The following MAGI1 variants were observed in gnomAD, a reference collection of about 807,000 sequenced individuals.
MAGI1 encodes membrane-associated guanylate kinase, WW and PDZ domain-containing protein 1.
A neutral mutation model predicts 139.9 loss-of-function variants in MAGI1; 58 were observed. The observed-to-expected ratio is 0.41, with a 90% confidence interval of 0.34 to 0.52. The LOEUF is 0.52. MAGI1 is among the 20% of genes least tolerant of loss of function. The pLI is 0.12. For missense variants in MAGI1, 1,874 were observed against 1,901.6 expected (o/e 0.99, Z 0.27); for synonymous variants, 812 against 737.9 (o/e 1.10, Z -1.63).
chr3:65,555,212 C>T (rs953420600), intron 2 of MAGI1, among the ~76,000 whole-genome samples: 1 of 152,152 alleles, frequency 6.6e-6, no homozygotes, highest in Admixed American at 6.5e-5. Context: ...TAAAGGCCCA[C>T]CCATGCTAGG....
At chr3:65,731,962 T>C (rs1308938474) in intron 1 of MAGI1, among the ~76,000 whole-genome samples, 1 of 152,222 alleles carries the variant, frequency 6.6e-6, no homozygotes, top group Non-Finnish European at 1.5e-5. Context: ...CTTGTGGTTC[T>C]GATATAATAC....
At chr3:65,501,054 C>G (rs750753685) in intron 2 of MAGI1, among the ~76,000 whole-genome samples, 1 of 152,162 alleles carries the variant, frequency 6.6e-6, no homozygotes, top group Non-Finnish European at 1.5e-5. Context: ...ACCTACCTCT[C>G]ACACAATTTT....
chr3:65,659,388 A>G (rs916563825), intron 1 of MAGI1, among the ~76,000 whole-genome samples: 4 of 152,200 alleles, frequency 2.6e-5, no homozygotes, highest in African/African-American at 9.6e-5. Flanking sequence ...GCTAATACCA[A>G]CTGGACCCAA....
At chr3:65,905,757 G>C (rs941599697) in intron 1 of MAGI1, among the ~76,000 whole-genome samples, 1 of 152,128 alleles carries the variant, frequency 6.6e-6, no homozygotes, top group African/African-American at 2.4e-5. Context: ...CTACTCAGAA[G>C]TTACAGAAAA....
chr3:65,637,560 G>GAAAGAAAGAAAGAAAGAAAGAAAGAAAC (rs1559743452), intron 1 of MAGI1, among the ~76,000 whole-genome samples: 47 of 28,690 alleles, frequency 1.6e-3, no homozygotes, highest in African/African-American at 4.8e-3. Flanking sequence ...TCCAAAAAAA[G>GAAAGAAAGAAAGAAAGAAAGAAAGAAAC]AAAGAAAGAA....
Position 65,523,111 on chromosome 3 carries a change from G to A in MAGI1, c.431-29480C>T, listed in dbSNP as rs145648073. 6.7e-3 allele frequency among the ~76,000 whole-genome samples: 1,016 copies of A among 152,266 alleles called. 12 individuals are homozygous for A. The highest frequency in any genetic ancestry group is 0.02 in the Middle Eastern group (6 of 294). On this transcript the variant is annotated intron_variant, in intron 2 of 22. Transcript: ENST00000402939. ...ATATTTCCTGGGTGCTAAAGATGGA[G>A]TCTAAGCACACATATTATGTTTGCC...
intron 1 of MAGI1, among the ~76,000 whole-genome samples, chr3:65,983,985 T>C (rs969295657): frequency 6.6e-6 from 1 of 152,172 alleles, no homozygotes; most frequent in Non-Finnish European, 1.5e-5. Context: ...AAATAGTAAT[T>C]GAGTGCCTTC....
intron 14 of MAGI1, among the ~76,000 whole-genome samples, chr3:65,390,700 T>A (rs572783628): frequency 1.1e-4 from 16 of 152,248 alleles, no homozygotes; most frequent in African/African-American, 3.9e-4. Flanking sequence ...TTAAAAAAAA[T>A]TACCAGTATT....
chr3:65,635,415 T>C (rs557605413), intron 1 of MAGI1, among the ~76,000 whole-genome samples: 106 of 152,300 alleles, frequency 7.0e-4, no homozygotes, highest in African/African-American at 2.2e-3. Flanking sequence ...AAAACATCTA[T>C]GTGAATCTCA....
chr3:65,984,802 C>A (rs901124368), intron 1 of MAGI1, among the ~76,000 whole-genome samples: 1 of 150,898 alleles, frequency 6.6e-6, no homozygotes, highest in Non-Finnish European at 1.5e-5. Flanking sequence ...CCAGCCTCAA[C>A]GTCCCAAAGT....
intron 2 of MAGI1, among the ~76,000 whole-genome samples, chr3:65,548,366 T>C (rs1347798606): frequency 6.6e-6 from 1 of 151,668 alleles, no homozygotes; most frequent in Non-Finnish European, 1.5e-5. Context: ...CACCCTACCA[T>C]CCCCTCTCCC....
chr3:65,698,695 C>T (rs1447665255), intron 1 of MAGI1, among the ~76,000 whole-genome samples: 2 of 150,944 alleles, frequency 1.3e-5, no homozygotes, highest in Non-Finnish European at 1.5e-5. Flanking sequence ...GAAACTGGAT[C>T]CCTTCCTTAC....
chr3:65,675,299 G>T (rs2087119697), intron 1 of MAGI1, among the ~76,000 whole-genome samples: 1 of 152,056 alleles, frequency 6.6e-6, no homozygotes. Flanking sequence ...GAACCTCCAT[G>T]GCCTCCAAAT....
At chr3:65,426,484 C>T (rs939649678) in intron 12 of MAGI1, among the ~76,000 whole-genome samples, 1 of 152,196 alleles carries the variant, frequency 6.6e-6, no homozygotes, top group Non-Finnish European at 1.5e-5. Flanking sequence ...AAGCCACAAC[C>T]TCACGACAGG....
intron 5 of MAGI1, 146 bp downstream of exon 5, chr3:65,470,137 T>G (rs989004577): frequency 1.2e-5 from 7 of 593,936 alleles, no homozygotes; most frequent in Non-Finnish European, 5.9e-6. Flanking sequence ...TACCTTTTTA[T>G]GCAAAACTTA....
intron 2 of MAGI1, among the ~76,000 whole-genome samples, chr3:65,526,108 T>C (rs2078365501): frequency 6.6e-6 from 1 of 152,234 alleles, no homozygotes; most frequent in African/African-American, 2.4e-5. Flanking sequence ...ACCTAATAAA[T>C]GTGATTTGCA....
At chr3:65,599,301 G>T (rs1390148278) in intron 2 of MAGI1, among the ~76,000 whole-genome samples, 1 of 152,206 alleles carries the variant, frequency 6.6e-6, no homozygotes, top group African/African-American at 2.4e-5. Flanking sequence ...AGGCAGCACA[G>T]ATCTTTCCTT....
chr3:65,522,590 A>C (rs1273352321), intron 2 of MAGI1, among the ~76,000 whole-genome samples: 2 of 152,140 alleles, frequency 1.3e-5, no homozygotes, highest in African/African-American at 4.8e-5. Context: ...GTAGCTTCCC[A>C]AACTCTACAC....
chr3:65,450,016 T>C (rs1948932218), intron 6 of MAGI1, among the ~76,000 whole-genome samples: 1 of 152,184 alleles, frequency 6.6e-6, no homozygotes, highest in South Asian at 2.1e-4. Context: ...GCACGTGACA[T>C]ACAGAAATTA....
Sources: allele counts gnomAD v4.1 joint callset (sites outside exome capture counted in the v4.1 genomes callset), GRCh38; gene constraint gnomAD v4.1.1; transcripts MANE v1.5; gene names NCBI Gene and HGNC (gene_info 2026-07-23, HGNC 2026-07-21).